The following DNAJC6 variants were observed in gnomAD, a reference collection of about 807,000 sequenced individuals.
DNAJC6 encodes the protein auxilin.
A neutral mutation model predicts 110.0 loss-of-function variants in DNAJC6; 34 were observed. The observed-to-expected ratio is 0.31, with a 90% CI of 0.24 to 0.41. The LOEUF (loss-of-function observed/expected upper bound fraction) is 0.41. DNAJC6 is among the 10% of genes least tolerant of loss of function. The pLI, the probability that DNAJC6 is intolerant of heterozygous loss-of-function variation, is 1.00. For missense variants in DNAJC6, 1,031 were observed against 1,207.8 expected, an observed-to-expected ratio of 0.85 and a Z score of 2.17; for synonymous variants, 406 against 437.2, an observed-to-expected ratio of 0.93 and a Z score of 0.89.
chr1:65,274,792 A>G (rs1653610451), intron 1 of DNAJC6, among the ~76,000 whole-genome samples: 1 of 152,148 alleles, frequency 6.6e-6, no homozygotes, highest in Non-Finnish European at 1.5e-5. Flanking sequence ...CTTGTTTCTT[A>G]TTTGTGTCCC....
chr1:65,307,028 A>C (rs1456205208), upstream of DNAJC6, among the ~76,000 whole-genome samples: 33 of 146,540 alleles, frequency 2.3e-4, no homozygotes, highest in Non-Finnish European at 3.1e-4. Context: ...CTATATATAT[A>C]TATATATATA....
intron 14 of DNAJC6, among the ~76,000 whole-genome samples, chr1:65,400,128 C>T (rs1033486732): frequency 6.6e-6 from 1 of 151,436 alleles, no homozygotes; most frequent in Admixed American, 6.6e-5. Flanking sequence ...TGCAGTGAGC[C>T]GAGATCACAC....
chr1:65,278,857 G>C, intron 1 of DNAJC6: 1 of 624,020 alleles, frequency 1.6e-6, no homozygotes, highest in Non-Finnish European at 2.0e-6. Flanking sequence ...CATTGATCAG[G>C]AAAGGGGTGG....
intron 1 of DNAJC6, among the ~76,000 whole-genome samples, chr1:65,275,949 T>G (rs1008146548): frequency 6.6e-6 from 1 of 150,942 alleles, no homozygotes; most frequent in African/African-American, 2.4e-5. Flanking sequence ...CAGGCTGCAG[T>G]GCGATCCTGG....
In DNAJC6 at chr1:65,415,234, TG is replaced by T. The variant is rs1289744380; in HGVS notation, c.*2211del. On this transcript the variant is annotated 3_prime_UTR_variant, in exon 19 of 19. Coordinates refer to ENST00000371069, the MANE Select transcript of DNAJC6 (RefSeq NM_001256864.2). ...TAAATATGTTACAACAAAATGTGAT[TG>T]GTCTAAAATATTTGTAATGTATATT... The T allele has an allele frequency of 6.6e-6, 1 of 152,234 alleles. No individual in the cohort carries two copies. Among genetic ancestry groups the T allele is most frequent in the Non-Finnish European group, 1.5e-5 (1 of 68,040 alleles). The allele number at this position is 152,234 out of a possible 1,614,324, so 9.4% of individuals were successfully genotyped here.
chr1:65,317,401 G>T (rs1236690674), intron 1 of DNAJC6, among the ~76,000 whole-genome samples: 1 of 152,218 alleles, frequency 6.6e-6, no homozygotes, highest in Non-Finnish European at 1.5e-5. Flanking sequence ...AAGGGATCTG[G>T]CAATTTCTAC....
chr1:65,408,897 C>T, intron 17 of DNAJC6, 114 bp downstream of exon 17: 1 of 1,262,160 alleles, frequency 7.9e-7, no homozygotes, highest in East Asian at 2.5e-5. Flanking sequence ...CCCATTCAGG[C>T]TGCTATAACA....
intron 1 of DNAJC6, among the ~76,000 whole-genome samples, chr1:65,268,390 A>G (rs1379710323): frequency 2.0e-5 from 3 of 152,250 alleles, no homozygotes; most frequent in South Asian, 2.1e-4. Flanking sequence ...AAAATAGTTG[A>G]GTGAGTTAAT....
chr1:65,397,723 C>T (rs1327145045), intron 13 of DNAJC6, among the ~76,000 whole-genome samples: 1 of 152,094 alleles, frequency 6.6e-6, no homozygotes, highest in Admixed American at 6.5e-5. Context: ...CGTCTAACTT[C>T]CACCTCAGTG....
rs79977030 is a variant in DNAJC6, at chr1:65,320,659, G to A, written c.193+10721G>A. 6.6e-5 allele frequency among the ~76,000 whole-genome samples: 10 copies of A among 152,324 alleles called. No individual in the cohort carries two copies. In the East Asian group the frequency reaches 1.9e-3, roughly 29 times the overall value. On this transcript the variant is annotated intron_variant, in intron 1 of 18. Transcript: ENST00000371069. Reference sequence around the variant, plus strand: ...TGCTGCCACTCTTCTAGCCATGGGGGATACAGTAGACGATAAGATAGATAA... The same window carrying A: ...TGCTGCCACTCTTCTAGCCATGGGGAATACAGTAGACGATAAGATAGATAA...
At chr1:65,292,737 TTTTTTTA>T (rs1644891505) in intron 1 of DNAJC6, among the ~76,000 whole-genome samples, 1 of 152,106 alleles carries the variant, frequency 6.6e-6, no homozygotes, top group Non-Finnish European at 1.5e-5. Flanking sequence ...ACCCAGCCAG[TTTTTTTA>T]TTTTTTATTT....
chr1:65,375,974 T>A (rs1053232346), intron 4 of DNAJC6, among the ~76,000 whole-genome samples: 9 of 152,242 alleles, frequency 5.9e-5, no homozygotes, highest in African/African-American at 2.2e-4. Flanking sequence ...TATTCATTCT[T>A]TTTTAAATAT....
intron 1 of DNAJC6, among the ~76,000 whole-genome samples, chr1:65,336,095 T>C (rs561498383): frequency 2.0e-5 from 3 of 152,148 alleles, no homozygotes; most frequent in Non-Finnish European, 4.4e-5. Context: ...CAAGGCTGGG[T>C]AATTTATTAA....
At chr1:65,314,806 A>G (rs768559624) in intron 1 of DNAJC6, among the ~76,000 whole-genome samples, 2 of 152,222 alleles carry the variant, frequency 1.3e-5, no homozygotes, top group Non-Finnish European at 2.9e-5. Context: ...TAACTTATTT[A>G]ATGTGTGGTT....
chr1:65,327,182 T>C (rs1332828684), intron 1 of DNAJC6, among the ~76,000 whole-genome samples: 1 of 152,120 alleles, frequency 6.6e-6, no homozygotes, highest in African/African-American at 2.4e-5. Context: ...CATTCCAAAC[T>C]AGAAGCTTGG....
chr1:65,265,809 G>A (rs1653299720), intron 1 of DNAJC6, among the ~76,000 whole-genome samples: 1 of 152,138 alleles, frequency 6.6e-6, no homozygotes, highest in South Asian at 2.1e-4. Flanking sequence ...CCTGGCCCGC[G>A]TGCCCAGGAA....
At chr1:65,403,705 T>A (rs1018042955) in intron 15 of DNAJC6, among the ~76,000 whole-genome samples, 3 of 152,204 alleles carry the variant, frequency 2.0e-5, no homozygotes, top group African/African-American at 7.2e-5. Context: ...ACTGCAGTGG[T>A]CTCTGGATTT....
intron 1 of DNAJC6, among the ~76,000 whole-genome samples, chr1:65,352,133 A>G (rs1029600557): frequency 6.6e-6 from 1 of 152,032 alleles, no homozygotes; most frequent in African/African-American, 2.4e-5. Context: ...TTTTTTTCAA[A>G]AAGTTAAGTC....
rs986073706 is a variant in DNAJC6, at chr1:65,394,984, A to G, written c.1990A>G (p.Ser664Gly). The G allele has an allele frequency of 3.1e-6, 5 of 1,612,562 alleles. No homozygotes were observed. The African/African-American group carries it at 4.0e-5, about 13-fold the overall frequency. Residue 664 changes from serine (S) to glycine (G), a missense_variant, in exon 13 of 19, where the codon AGT (serine) becomes GGT (glycine). Ser to Gly is a moderately conservative substitution (Grantham distance 56, BLOSUM62 0). Coordinates refer to ENST00000371069, the MANE Select transcript of DNAJC6 (RefSeq NM_001256864.2). ...TTTTCTGAACACATCCAGTGCTTCCAGTGACCCCTTTCTCCAGCCAACAAG... is the reference window on the plus strand; with the variant it reads ...TTTTCTGAACACATCCAGTGCTTCCGGTGACCCCTTTCTCCAGCCAACAAG... Reference protein sequence around the residue: ...GSFLNTSSASSDPFLQPTRSP... With the variant: ...GSFLNTSSASGDPFLQPTRSP...
Sources: allele counts gnomAD v4.1 joint callset (sites outside exome capture counted in the v4.1 genomes callset), GRCh38; gene constraint gnomAD v4.1.1; transcripts MANE v1.5; gene names NCBI Gene and HGNC (gene_info 2026-07-23, HGNC 2026-07-21).